Variants in ACOX2 observed in about 807,000 individuals in gnomAD.
ACOX2 encodes peroxisomal acyl-coenzyme A oxidase 2.
Under a neutral mutation model 77.5 loss-of-function variants are expected in ACOX2, and 59 were observed. The observed-to-expected ratio is 0.76, with a 90% CI of 0.62 to 0.95. ACOX2 has a LOEUF of 0.95. ACOX2 is among the 40% of genes least tolerant of loss of function. The pLI, the probability that ACOX2 is intolerant of heterozygous loss-of-function variation, is 0.00. For synonymous variants in ACOX2, 317 were observed against 340.1 expected (o/e 0.93, Z 0.75); for missense variants, 837 against 880.4 (o/e 0.95, Z 0.62).
intron 12 of ACOX2, among the ~76,000 whole-genome samples, chr3:58,518,075 C>CAAAAAAAAAAAAA (rs763535906): frequency 1.5e-4 from 7 of 47,676 alleles, no homozygotes; most frequent in South Asian, 9.4e-4. Context: ...AACTCCATCT[C>CAAAAAAAAAAAAA]AAAAAAAAAA....
chr3:58,528,017 G>T lies in ACOX2; in HGVS notation c.1155+777C>A, dbSNP rs1268860918. On this transcript the variant is annotated intron_variant, in intron 9 of 14. Transcript: ENST00000302819. This position sits in a 1 kb window ranked among gnomAD's most constrained non-coding sequence, Gnocchi z 5.6. ...TCACCATGCCAGGCCAATTTCTGTT[G>T]TTTATAAACCACTGCTTTATGGTAT... Among the ~76,000 whole-genome samples, 2 of 152,080 alleles carry T rather than the reference G, an allele frequency of 1.3e-5. No individual in the cohort carries two copies. The highest frequency in any genetic ancestry group is 4.8e-5 in the African/African-American group (2 of 41,404).
rs1377198414 is a variant in ACOX2 at position 58,530,594 on chromosome 3, G to A, written c.864C>T (p.Ser288=). 1 of 1,614,218 alleles carries A rather than the reference G, an allele frequency of 6.2e-7. No homozygotes were observed. The highest frequency in any genetic ancestry group is 1.1e-5 in the South Asian group (1 of 91,086). Residue 288 remains serine, a synonymous_variant, in exon 8 of 15, where the codon AGC becomes AGT. Transcript: ENST00000302819. ...GTYVKLGTAQ[S]NYLPMVVVRV... is the part of the protein sequence containing the mutation. Reference sequence around the variant, plus strand: ...GCACCACCACCATGGGAAGGTAGTTGCTCTGTGCTGTACCGAGTTTGACGT... The same window carrying A: ...GCACCACCACCATGGGAAGGTAGTTACTCTGTGCTGTACCGAGTTTGACGT...
intron 13 of ACOX2, among the ~76,000 whole-genome samples, chr3:58,510,655 A>AAG (rs2063273682): frequency 1.5e-4 from 6 of 40,602 alleles, no homozygotes; most frequent in African/African-American, 6.4e-4. Context: ...AAAAAAAAAA[A>AAG]AAAAAAAAAT....
chr3:58,511,538 C>T (rs1330456905), intron 13 of ACOX2: 3 of 182,376 alleles, frequency 1.6e-5, no homozygotes, highest in African/African-American at 7.2e-5. Context: ...CTTATAACTG[C>T]AATCACCTCA....
Position 58,505,334 on chromosome 3 carries a change from G to T in ACOX2, c.1984-48C>A. The T allele has an allele frequency of 6.9e-7, 1 of 1,453,742 alleles. No homozygotes were observed. The highest frequency in any genetic ancestry group is 9.4e-7 in the Non-Finnish European group (1 of 1,063,778). The allele number at this position is 1,453,742 out of a possible 1,614,324, so 90.1% of individuals were successfully genotyped here. The stretch of plus-strand genomic sequence containing the variant: ...TATTAACACAGTACATTTCTGCCAG[G>T]ATTAATGACTTTCACTTTCAAATTA... On this transcript the variant is annotated intron_variant, in intron 14 of 14. Coordinates refer to ENST00000302819, the MANE Select transcript of ACOX2 (RefSeq NM_003500.4). The surrounding 1 kb of genome is among the most constrained non-coding windows in gnomAD (Gnocchi z 4.4).
Position 58,524,518 on chromosome 3 carries a change from G to T in ACOX2, c.1434C>A (p.Thr478=). ...RSLSPSVAYL[T]APDLARCPAQ... is the part of the protein sequence containing the mutation. ...CTGGACACCTGGCCAGGTCAGGTGC[G>T]GTGAGATATGCGACAGATGGAGAGA... Residue 478 remains threonine, a synonymous_variant, in exon 11 of 15, where the codon ACC becomes ACA. Transcript: ENST00000302819. This position sits in a 1 kb window ranked among gnomAD's most constrained non-coding sequence, Gnocchi z 5.5. 6.2e-7 allele frequency: 1 copy of T among 1,614,190 alleles called. No individual in the cohort carries two copies. The highest frequency in any genetic ancestry group is 8.5e-7 in the Non-Finnish European group (1 of 1,180,032).
At position 58,534,573 on chromosome 3, in the gene ACOX2, C is replaced by A. The variant is rs747978945; in HGVS notation, c.161-51G>T. 1 of 1,613,804 alleles carries A rather than the reference C, an allele frequency of 6.2e-7. No individual in the cohort carries two copies. Among genetic ancestry groups the A allele is most frequent in the South Asian group, 1.1e-5 (1 of 91,038 alleles). ...TTAGGGACCTGGGTGAGGTTTCTGGCACCTTGAAATCTTCTCACCCACTTG... is the reference window on the plus strand; with the variant it reads ...TTAGGGACCTGGGTGAGGTTTCTGGAACCTTGAAATCTTCTCACCCACTTG... On this transcript the variant is annotated intron_variant, in intron 2 of 14. Coordinates refer to ENST00000302819, the MANE Select transcript of ACOX2 (RefSeq NM_003500.4). This position sits in a 1 kb window ranked among gnomAD's most constrained non-coding sequence, Gnocchi z 4.8.
rs752692771 is a variant in ACOX2 at position 58,534,125 on chromosome 3, G to T, written c.344C>A (p.Ala115Asp). 5.0e-6 allele frequency: 8 copies of T among 1,614,040 alleles called. No individual in the cohort carries two copies. Among genetic ancestry groups the T allele is most frequent in the Non-Finnish European group, 5.9e-6 (7 of 1,180,034 alleles). ...YAYRALSGDV[A>D]LNIHRVFVRA... ...CACGAAGACTCTGTGTATATTTAAG[G>T]CCACGTCTCCAGAAAGGGCTCTGTT... is the stretch of plus-strand genomic sequence containing the variant. Residue 115 changes from alanine to aspartate, a missense_variant, in exon 4 of 15, where the codon GCC becomes GAC. Transcript: ENST00000302819. The surrounding 1 kb of genome is among the most constrained non-coding windows in gnomAD (Gnocchi z 4.8).
rs549224860 is a variant in ACOX2, at chr3:58,526,808, C to T, written c.1156-152G>A. ...GCTCACAACTTTATGAATGAGAAGG[C>T]GGGTACTCAGCTTATGTGACTCACC... On this transcript the variant is annotated intron_variant, in intron 9 of 14. Coordinates refer to ENST00000302819, the MANE Select transcript of ACOX2 (RefSeq NM_003500.4). This position sits in a 1 kb window ranked among gnomAD's most constrained non-coding sequence, Gnocchi z 4.3. The T allele has an allele frequency of 5.5e-4, 447 of 819,290 alleles. 2 individuals carry two copies. Among genetic ancestry groups the T allele is most frequent in the South Asian group, 2.8e-3 (152 of 54,656 alleles). 50.8% of individuals were successfully genotyped at this position (819,290 alleles called of 1,614,324 possible). A position where few individuals can be genotyped will look rare whatever the true frequency, so the allele number is the denominator to read the frequency against.
At chr3:58,507,454 A>G (rs946245191) in intron 14 of ACOX2, among the ~76,000 whole-genome samples, 5 of 152,218 alleles carry the variant, frequency 3.3e-5, no homozygotes, top group African/African-American at 7.2e-5. Flanking sequence ...ATTAAAACCA[A>G]CTAAAACACA....
At chr3:58,529,342 C>G (rs1362261659) in intron 8 of ACOX2, 1 of 160,946 alleles carries the variant, frequency 6.2e-6, no homozygotes, top group African/African-American at 2.4e-5. Flanking sequence ...CCCGTGTGCA[C>G]TTGCCGCGCG....
At chr3:58,516,512 T>A (rs2063322861) in intron 13 of ACOX2, among the ~76,000 whole-genome samples, 1 of 152,212 alleles carries the variant, frequency 6.6e-6, no homozygotes, top group Admixed American at 6.5e-5. Context: ...TAAAAGCTTT[T>A]GGCACAGGGC....
intron 13 of ACOX2, chr3:58,511,132 A>G: frequency 2.2e-6 from 1 of 449,988 alleles, no homozygotes; most frequent in South Asian, 1.6e-5. Context: ...TTCTCTCTTC[A>G]GGCTCTCAGC....
chr3:58,515,350 TC>T lies in ACOX2; in HGVS notation c.1850+1855del, dbSNP rs1463647412. 6.6e-6 allele frequency among the ~76,000 whole-genome samples: 1 copy of T among 152,152 alleles called. No individual in the cohort carries two copies. The highest frequency in any genetic ancestry group is 2.4e-5 in the African/African-American group (1 of 41,428). On this transcript the variant is annotated intron_variant, in intron 13 of 14. Transcript: ENST00000302819. The surrounding 1 kb of genome is among the most constrained non-coding windows in gnomAD (Gnocchi z 4.0). ...CAAACATTTTTTTGACCACCAGCTA[TC>T]TGTTACATGCTATGAGTAGTCATAA...
chr3:58,518,818 T>C (rs2063339900), intron 12 of ACOX2, among the ~76,000 whole-genome samples: 2 of 151,750 alleles, frequency 1.3e-5, no homozygotes, highest in South Asian at 2.1e-4. Context: ...TTTGTATTTT[T>C]AGTAGAGACG....
In ACOX2 at chr3:58,514,676, G is replaced by A. The variant is rs1405814143; in HGVS notation, c.1850+2530C>T. Reference sequence around the variant, plus strand: ...CTGGGTTTGACGCATGAGTAAGTTGGCAGATTGCATCTGGGCTGTCTGTCT... The same window carrying A: ...CTGGGTTTGACGCATGAGTAAGTTGACAGATTGCATCTGGGCTGTCTGTCT... On this transcript the variant is annotated intron_variant, in intron 13 of 14. Coordinates refer to ENST00000302819, the MANE Select transcript of ACOX2 (RefSeq NM_003500.4). This position sits in a 1 kb window ranked among gnomAD's most constrained non-coding sequence, Gnocchi z 4.3. 6.6e-6 allele frequency among the ~76,000 whole-genome samples: 1 copy of A among 152,210 alleles called. No homozygotes were observed. Among genetic ancestry groups the A allele is most frequent in the Non-Finnish European group, 1.5e-5 (1 of 68,036 alleles).
In ACOX2 at chr3:58,509,001, A is replaced by C. The variant is rs764417199; in HGVS notation, c.1875T>G (p.Asp625Glu). 2 of 1,614,216 alleles carry C rather than the reference A, an allele frequency of 1.2e-6. No homozygotes were observed. Among genetic ancestry groups the C allele is most frequent in the South Asian group, 2.2e-5 (2 of 91,088 alleles). Residue 625 changes from aspartate (D) to glutamate (E), a missense_variant, in exon 14 of 15, where the codon GAT (aspartate) becomes GAG (glutamate). By Grantham distance (45) the Asp-to-Glu change is conservative. Coordinates refer to ENST00000302819, the MANE Select transcript of ACOX2 (RefSeq NM_003500.4). ...AACACTGATCGGTGAAGTCAAAAGC[A>C]TCAGTTAACAGGATGGCATCCTTCC... is the stretch of plus-strand genomic sequence containing the variant. ...LIRKDAILLTDAFDFTDQCLN... is the reference protein window; with the variant it reads ...LIRKDAILLTEAFDFTDQCLN...
rs1234679606 is a variant in ACOX2 at position 58,521,488 on chromosome 3, C to G, written c.1632+1008G>C. 3.9e-5 allele frequency among the ~76,000 whole-genome samples: 6 copies of G among 152,168 alleles called. No homozygotes were observed. The highest frequency in any genetic ancestry group is 9.7e-5 in the African/African-American group (4 of 41,436). Reference sequence around the variant, plus strand: ...CTGAGGCCTGTCCCTGCCTTCTTCCCCCTTAGCATCTCTGATCTACCCACT... The same window carrying G: ...CTGAGGCCTGTCCCTGCCTTCTTCCGCCTTAGCATCTCTGATCTACCCACT... On this transcript the variant is annotated intron_variant, in intron 12 of 14. Coordinates refer to ENST00000302819, the MANE Select transcript of ACOX2 (RefSeq NM_003500.4). The surrounding 1 kb of genome is among the most constrained non-coding windows in gnomAD (Gnocchi z 4.8).
rs566636949 is a variant in ACOX2 at position 58,522,724 on chromosome 3, G to A, written c.1527-123C>T. ...TTATTGACCACTTATGTGCCATAAA[G>A]CTAAATGATTGATATTTATTATCTT... is the stretch of plus-strand genomic sequence containing the variant. On this transcript the variant is annotated intron_variant, in intron 11 of 14. Coordinates refer to ENST00000302819, the MANE Select transcript of ACOX2 (RefSeq NM_003500.4). This position sits in a 1 kb window ranked among gnomAD's most constrained non-coding sequence, Gnocchi z 4.3. 1 of 814,044 alleles carries A rather than the reference G, an allele frequency of 1.2e-6. No homozygotes were observed. Among genetic ancestry groups the A allele is most frequent in the East Asian group, 2.6e-5 (1 of 38,504 alleles). 50.4% of individuals were successfully genotyped at this position (814,044 alleles called of 1,614,324 possible).
Sources: allele counts gnomAD v4.1 joint callset (sites outside exome capture counted in the v4.1 genomes callset), GRCh38; gene constraint gnomAD v4.1.1; non-coding constraint Gnocchi (gnomAD v3.1); transcripts MANE v1.5; gene names NCBI Gene and HGNC (gene_info 2026-07-23, HGNC 2026-07-21).